FRAS1: variants seen among roughly 807,000 people sequenced by gnomAD.
The protein encoded by FRAS1 is extracellular matrix organizing protein FRAS1.
FRAS1 carries 290 observed loss-of-function variants against 435.2 expected under a neutral mutation model. The observed-to-expected ratio is 0.67, with a 90% CI of 0.61 to 0.73. The LOEUF is 0.73. Among genes scored for constraint, FRAS1 ranks in the 30% least tolerant of loss-of-function variants. The pLI, the probability that FRAS1 is intolerant of heterozygous loss-of-function variation, is 0.00. For synonymous variants in FRAS1, 1,800 were observed against 1,851.0 expected, an observed-to-expected ratio of 0.97 and a Z score of 0.71; for missense variants, 4,860 against 5,001.5, an observed-to-expected ratio of 0.97 and a Z score of 0.85.
rs751341719 is a variant in FRAS1, at chr4:78,058,105, T to C, written c.76+20T>C. 7 of 1,098,704 alleles carry C rather than the reference T, an allele frequency of 6.4e-6. No homozygotes were observed. The highest frequency in any genetic ancestry group is 8.0e-5 in the East Asian group (2 of 25,058). The allele number at this position is 1,098,704 out of a possible 1,614,324, so 68.1% of individuals were successfully genotyped here. A position where few individuals can be genotyped will look rare whatever the true frequency, so the allele number is the denominator to read the frequency against. The stretch of plus-strand genomic sequence containing the variant: ...CCGAAGGTGAGAGAGCGGTGCCGCG[T>C]GTGTGTGTGTGTGTGCGTGTGCGTG... On this transcript the variant is annotated intron_variant, in intron 1 of 73. Transcript: ENST00000512123.
chr4:78,073,144 T>C (rs1740447796), intron 2 of FRAS1, among the ~76,000 whole-genome samples: 1 of 152,214 alleles, frequency 6.6e-6, no homozygotes, highest in South Asian at 2.1e-4. Flanking sequence ...TCTGAGAATT[T>C]TTTTGTCCTT....
intron 14 of FRAS1, among the ~76,000 whole-genome samples, chr4:78,287,128 C>T (rs892077963): frequency 6.6e-6 from 1 of 151,740 alleles, no homozygotes; most frequent in Non-Finnish European, 1.5e-5. Flanking sequence ...AAGCAAGATA[C>T]GTCTTACATG....
intron 2 of FRAS1, among the ~76,000 whole-genome samples, chr4:78,102,025 C>T (rs1461574062): frequency 6.6e-6 from 1 of 152,176 alleles, no homozygotes; most frequent in African/African-American, 2.4e-5. Context: ...CCAAGATGTA[C>T]AATTACAGGT....
Position 78,489,017 on chromosome 4 carries a change from G to A in FRAS1, c.8895G>A (p.Met2965Ile). ...CYTQSHSAQV[M>I]EDFEERQNAD... is the part of the protein sequence containing the mutation. ...CTCAGAGCCATTCCGCTCAGGTCAT[G>A]GAGGACTTTGAGGAGAGACAAAATG... is the stretch of plus-strand genomic sequence containing the variant. The change falls in exon 59 of 74, where the codon ATG becomes ATA. Residue 2965 changes from methionine to isoleucine, a missense_variant. Coordinates refer to ENST00000512123, the MANE Select transcript of FRAS1 (RefSeq NM_025074.7). 1 of 1,613,692 alleles carries A rather than the reference G, an allele frequency of 6.2e-7. No homozygotes were observed. The highest frequency in any genetic ancestry group is 1.1e-5 in the South Asian group (1 of 91,076).
chr4:78,496,606 A>T (rs1164101878), intron 59 of FRAS1, among the ~76,000 whole-genome samples, 199 bp from the exon 60 acceptor site: 1 of 152,226 alleles, frequency 6.6e-6, no homozygotes, highest in Non-Finnish European at 1.5e-5. Context: ...TTCTAATACA[A>T]GTCTCCACAT....
intron 10 of FRAS1, 112 bp downstream of exon 10, chr4:78,278,856 A>T (rs988949495): frequency 2.9e-6 from 2 of 687,382 alleles, no homozygotes; most frequent in Non-Finnish European, 5.1e-6. Context: ...AACAAATGTT[A>T]TTGTGCACCT....
intron 2 of FRAS1, among the ~76,000 whole-genome samples, chr4:78,095,994 T>G (rs1741785287): frequency 6.6e-6 from 1 of 152,206 alleles, no homozygotes; most frequent in Admixed American, 6.5e-5. Flanking sequence ...AAGTTTCATC[T>G]GAGACAAGGC....
chr4:78,524,064 T>A (rs900019694), intron 69 of FRAS1, among the ~76,000 whole-genome samples: 9 of 152,188 alleles, frequency 5.9e-5, no homozygotes, highest in African/African-American at 2.2e-4. Flanking sequence ...AGACTTCCCA[T>A]ACAGTACTAG....
intron 2 of FRAS1, among the ~76,000 whole-genome samples, chr4:78,149,792 G>A (rs997223697): frequency 6.6e-6 from 1 of 152,206 alleles, no homozygotes; most frequent in Non-Finnish European, 1.5e-5. Context: ...GATGTTGCCT[G>A]GAGGAGGCTC....
intron 15 of FRAS1, among the ~76,000 whole-genome samples, chr4:78,315,339 G>T (rs1250452511): frequency 1.3e-5 from 2 of 152,172 alleles, no homozygotes; most frequent in African/African-American, 4.8e-5. Flanking sequence ...TATTAAGTTG[G>T]TTACACTGGT....
At chr4:78,171,529 T>G (rs183804886) in intron 2 of FRAS1, among the ~76,000 whole-genome samples, 20 of 152,286 alleles carry the variant, frequency 1.3e-4, no homozygotes, top group Non-Finnish European at 2.4e-4. Context: ...TACTGTTAAC[T>G]CCCACCTCCA....
At chr4:78,434,871 G>A (rs1458561197) in intron 38 of FRAS1, among the ~76,000 whole-genome samples, 1 of 152,052 alleles carries the variant, frequency 6.6e-6, no homozygotes, top group East Asian at 1.9e-4. Flanking sequence ...ACATTTAATT[G>A]ACAGATGTTT....
Position 78,450,204 on chromosome 4 carries a change from G to A in FRAS1, c.6328G>A (p.Asp2110Asn), listed in dbSNP as rs1297235682. The change falls in exon 45 of 74, where the codon GAT (aspartate) becomes AAT (asparagine). Residue 2110 changes from aspartate (D) to asparagine (N), a missense_variant. Asp to Asn is a conservative substitution (Grantham distance 23). Coordinates refer to ENST00000512123, the MANE Select transcript of FRAS1 (RefSeq NM_025074.7). ...CTTGAAAGTGACAGATATTGACTCA[G>A]ATGACCATCAGGTTATGTACATCAT... ...QHLKVTDIDS[D>N]DHQVMYIMKE... 6.2e-7 allele frequency: 1 copy of A among 1,613,818 alleles called. No homozygotes were observed. The highest frequency in any genetic ancestry group is 8.5e-7 in the Non-Finnish European group (1 of 1,179,774).
rs549755373 is a variant in FRAS1, at chr4:78,283,334, C to T, written c.1255+367C>T. Among the ~76,000 whole-genome samples the T allele has an allele frequency of 7.9e-5, 12 of 152,274 alleles. No individual in the cohort carries two copies. The South Asian group carries it at 2.3e-3, about 29-fold the overall frequency. On this transcript the variant is annotated intron_variant, in intron 12 of 73. Transcript: ENST00000512123. ...TCAAAATATAAGAATAATTTCTCAA[C>T]ATTTGTTATGGGTGTTCTTTGTTCT...
At chr4:78,347,566 C>T (rs904096114) in intron 20 of FRAS1, among the ~76,000 whole-genome samples, 3 of 152,134 alleles carry the variant, frequency 2.0e-5, no homozygotes. Context: ...TTCTCTTCCC[C>T]ACGCCACACT....
At chr4:78,236,237 G>A (rs951167816) in intron 2 of FRAS1, among the ~76,000 whole-genome samples, 6 of 152,164 alleles carry the variant, frequency 3.9e-5, no homozygotes, top group Middle Eastern at 3.4e-3. Context: ...TCAGATTATG[G>A]GGTCTGCATT....
chr4:78,270,552 C>G (rs1256111235), intron 9 of FRAS1, among the ~76,000 whole-genome samples: 3 of 141,222 alleles, frequency 2.1e-5, no homozygotes. Context: ...ACCCCGCCCC[C>G]CCGCCACCAC....
At chr4:78,437,248 T>G (rs1734464862) in intron 38 of FRAS1, among the ~76,000 whole-genome samples, 1 of 152,216 alleles carries the variant, frequency 6.6e-6, no homozygotes, top group Non-Finnish European at 1.5e-5. Context: ...TCATTCTAAC[T>G]AGGAGCCAGG....
At chr4:78,216,804 T>G (rs571867064) in intron 2 of FRAS1, among the ~76,000 whole-genome samples, 41 of 152,140 alleles carry the variant, frequency 2.7e-4, no homozygotes, top group African/African-American at 9.6e-4. Context: ...GGTGGAATCT[T>G]AAGAGTGAGA....
Sources: gnomAD v4.1 joint callset for allele counts (sites outside exome capture counted in the v4.1 genomes callset) on GRCh38, gnomAD v4.1.1 for gene constraint, MANE v1.5 for transcripts, NCBI Gene and HGNC (gene_info 2026-07-23, HGNC 2026-07-21) for gene names.